Variants in FOXP2 observed in about 807,000 individuals in gnomAD.
The protein encoded by FOXP2 is forkhead box P2.
In FOXP2, 12 loss-of-function variants were observed where a neutral mutation model predicts 115.8. The observed-to-expected ratio is 0.10, with a 90% CI of 0.07 to 0.17. FOXP2 has a LOEUF of 0.17. Ranked by LOEUF, FOXP2 falls within the 10% of genes least tolerant of loss-of-function variation. The probability of loss-of-function intolerance (pLI) is 1.00; values close to 1 mark genes in which losing one functional copy is unlikely to be tolerated. For synonymous variants in FOXP2, 328 were observed against 297.7 expected (o/e 1.10, Z -1.05); for missense variants, 629 against 843.5 (o/e 0.75, Z 3.15).
intron 2 of FOXP2, among the ~76,000 whole-genome samples, chr7:114,502,173 G>T (rs1400337731): frequency 6.6e-6 from 1 of 151,820 alleles, no homozygotes; most frequent in Non-Finnish European, 1.5e-5. Context: ...AAATTTTTTT[G>T]GTCATTCAGC....
At chr7:114,182,700 G>A (rs574040340) in intron 1 of FOXP2, among the ~76,000 whole-genome samples, 5 of 151,502 alleles carry the variant, frequency 3.3e-5, no homozygotes, top group African/African-American at 9.7e-5. Flanking sequence ...CCTTGAATAC[G>A]TCTATAGAAA....
At chr7:114,390,522 G>GTATTTATT (rs6150298) in intron 2 of FOXP2, among the ~76,000 whole-genome samples, 51,110 of 148,132 alleles carry the variant, frequency 0.35, 9,284 homozygotes, top group African/African-American at 0.38. Flanking sequence ...TTTTATTTAT[G>GTATTTATT]TATTTATTTA....
At chr7:114,252,904 T>A (rs1795490863) in intron 1 of FOXP2, among the ~76,000 whole-genome samples, 1 of 152,228 alleles carries the variant, frequency 6.6e-6, no homozygotes. Context: ...ATTTTAGATC[T>A]TTCCTGCTTT....
rs1397877995 is a variant in FOXP2, at chr7:114,508,471, C to T, written c.169-26146C>T. Among the ~76,000 whole-genome samples, 5 of 152,026 alleles carry T rather than the reference C, an allele frequency of 3.3e-5. No homozygotes were observed. The East Asian group carries it at 9.6e-4, about 29-fold the overall frequency. ...AGCTTATGATCTAGTCCTACAAAAG[C>T]ATGTGGTCTTAGTGCTTTGGCCTAG... On this transcript the variant is annotated intron_variant, in intron 2 of 16. Transcript: ENST00000350908.
At chr7:114,624,515 C>G (rs987367165) in intron 3 of FOXP2, among the ~76,000 whole-genome samples, 1 of 151,936 alleles carries the variant, frequency 6.6e-6, no homozygotes, top group Admixed American at 6.6e-5. Flanking sequence ...ATCTCCCACA[C>G]ATAATTGGGA....
chr7:114,602,049 A>AT (rs1268088355), intron 3 of FOXP2, among the ~76,000 whole-genome samples: 1 of 152,098 alleles, frequency 6.6e-6, no homozygotes, highest in Non-Finnish European at 1.5e-5. Flanking sequence ...TATGGAATGT[A>AT]TATCTGCTTT....
intron 3 of FOXP2, chr7:114,570,869 C>A (rs1801265409): frequency 1.2e-6 from 2 of 1,611,784 alleles, no homozygotes; most frequent in Non-Finnish European, 1.7e-6. Context: ...GGCATCCTCA[C>A]AACACATTTG....
At chr7:114,445,633 C>T (rs1321481249) in intron 2 of FOXP2, among the ~76,000 whole-genome samples, 1 of 152,072 alleles carries the variant, frequency 6.6e-6, no homozygotes, top group Non-Finnish European at 1.5e-5. Flanking sequence ...AGAAAAATTG[C>T]AGATTATGCA....
At chr7:114,550,469 C>A (rs1227566559) in intron 3 of FOXP2, among the ~76,000 whole-genome samples, 2 of 152,064 alleles carry the variant, frequency 1.3e-5, no homozygotes, top group East Asian at 3.9e-4. Context: ...TCTCTCCCAC[C>A]TTTTCTCTCT....
chr7:114,142,582 T>C (rs1019474983), intron 1 of FOXP2, among the ~76,000 whole-genome samples: 8 of 152,132 alleles, frequency 5.3e-5, no homozygotes, highest in African/African-American at 1.7e-4. Flanking sequence ...TTTTATATTA[T>C]ATTATACCAT....
chr7:114,492,612 T>A (rs1465766959), intron 2 of FOXP2, among the ~76,000 whole-genome samples: 1 of 152,196 alleles, frequency 6.6e-6, no homozygotes, highest in Non-Finnish European at 1.5e-5. Flanking sequence ...GTATGTTGTG[T>A]CTTTGTTCTC....
intron 2 of FOXP2, among the ~76,000 whole-genome samples, chr7:114,306,381 C>A (rs1433806038): frequency 6.6e-6 from 1 of 152,114 alleles, no homozygotes; most frequent in Non-Finnish European, 1.5e-5. Context: ...GAGGAACACT[C>A]AGCTAGGGAT....
Position 114,649,384 on chromosome 7 carries a change from A to T in FOXP2, c.1095-2819A>T, listed in dbSNP as rs547276313. On this transcript the variant is annotated intron_variant, in intron 8 of 16. Transcript: ENST00000350908. ...TTCCTGCAAGGGACATGATTAAATGATTAATGAAATGTCCCTTTGCATATG... is the reference window on the plus strand; with the variant it reads ...TTCCTGCAAGGGACATGATTAAATGTTTAATGAAATGTCCCTTTGCATATG... 5.2e-4 allele frequency among the ~76,000 whole-genome samples: 79 copies of T among 152,222 alleles called. 2 individuals are homozygous for T. The South Asian group carries it at 0.015, about 29-fold the overall frequency.
chr7:114,575,371 T>C (rs943626853), intron 3 of FOXP2, among the ~76,000 whole-genome samples: 1 of 151,890 alleles, frequency 6.6e-6, no homozygotes, highest in Admixed American at 6.6e-5. Context: ...AAGAGTCAAT[T>C]CTGTTGGATG....
intron 2 of FOXP2, among the ~76,000 whole-genome samples, chr7:114,455,714 T>A (rs956606389): frequency 6.6e-6 from 1 of 152,184 alleles, no homozygotes; most frequent in Non-Finnish European, 1.5e-5. Context: ...TTACACACAA[T>A]TAATTTCCCA....
intron 3 of FOXP2, among the ~76,000 whole-genome samples, chr7:114,591,397 G>A (rs1802428844): frequency 6.6e-6 from 1 of 152,080 alleles, no homozygotes; most frequent in Non-Finnish European, 1.5e-5. Flanking sequence ...ATAAGATTAA[G>A]TTAGTGGCAG....
chr7:114,433,739 G>A (rs1562924127), intron 2 of FOXP2, among the ~76,000 whole-genome samples: 1 of 151,884 alleles, frequency 6.6e-6, no homozygotes, highest in African/African-American at 2.4e-5. Flanking sequence ...ATGTATATAT[G>A]AGATCCAAGT....
In FOXP2 at chr7:114,459,740, C is replaced by T. The variant is rs188407211; in HGVS notation, c.168+33061C>T. Among the ~76,000 whole-genome samples the T allele has an allele frequency of 3.9e-3, 596 of 152,170 alleles. 4 individuals are homozygous for T. The highest frequency in any genetic ancestry group is 6.5e-3 in the Non-Finnish European group (440 of 67,986). On this transcript the variant is annotated intron_variant, in intron 2 of 16. Transcript: ENST00000350908. The stretch of plus-strand genomic sequence containing the variant: ...AAGCAATTCTCCTGCCTCAGCCTTC[C>T]GGGTAGCTGGGATTACAAACACGTG...
In FOXP2 at chr7:114,181,666, A is replaced by G. The variant is rs17136826; in HGVS notation, c.-102+18578A>G. Reference sequence around the variant, plus strand: ...CCAAAATTTGAACTTTCACATGTCCAATTTTAAAGCATGAGCCTTTATCTT... The same window carrying G: ...CCAAAATTTGAACTTTCACATGTCCGATTTTAAAGCATGAGCCTTTATCTT... On this transcript the variant is annotated intron_variant, in intron 1 of 17. Coordinates refer to the FOXP2 transcript ENST00000634411. 9.6e-3 allele frequency among the ~76,000 whole-genome samples: 1,459 copies of G among 152,174 alleles called. 31 individuals carry two copies. The highest frequency in any genetic ancestry group is 0.033 in the African/African-American group (1,388 of 41,558).
Sources: allele counts gnomAD v4.1 joint callset (sites outside exome capture counted in the v4.1 genomes callset), GRCh38; gene constraint gnomAD v4.1.1; transcripts MANE v1.5; gene names NCBI Gene and HGNC (gene_info 2026-07-23, HGNC 2026-07-21).